KLRF2: variants seen among roughly 807,000 people sequenced by gnomAD.
The protein encoded by KLRF2 is killer cell lectin-like receptor subfamily F member 2.
Under a neutral mutation model 25.3 loss-of-function variants are expected in KLRF2, and 28 were observed. The observed-to-expected ratio is 1.11, with a 90% CI of 0.82 to 1.52. KLRF2 has a LOEUF of 1.52. KLRF2 is among the 40% of genes most tolerant of loss of function. The pLI is 0.00. For missense variants in KLRF2, 265 were observed against 245.8 expected, an observed-to-expected ratio of 1.08 and a Z score of -0.52; for synonymous variants, 73 against 85.0, an observed-to-expected ratio of 0.86 and a Z score of 0.78.
intron 2 of KLRF2, among the ~76,000 whole-genome samples, chr12:9,886,222 T>C (rs1363966569): frequency 6.6e-6 from 1 of 152,164 alleles, no homozygotes; most frequent in Non-Finnish European, 1.5e-5. Flanking sequence ...TATGTGTGTT[T>C]CTATAAAATT....
intron 2 of KLRF2, among the ~76,000 whole-genome samples, chr12:9,886,617 C>A (rs1019200398): frequency 6.2e-4 from 94 of 151,292 alleles, no homozygotes; most frequent in African/African-American, 2.3e-3. Context: ...ATGCTTATTA[C>A]CAATTAAATT....
intron 3 of KLRF2, 103 bp from the exon 4 acceptor site, chr12:9,892,916 AT>A: frequency 9.4e-7 from 1 of 1,064,352 alleles, no homozygotes; most frequent in South Asian, 1.8e-5. Context: ...AAAAAAAAAA[AT>A]GAGTTGGAAA....
At chr12:9,885,707 T>C (rs1862586625) in intron 2 of KLRF2, among the ~76,000 whole-genome samples, 1 of 152,000 alleles carries the variant, frequency 6.6e-6, no homozygotes, top group Non-Finnish European at 1.5e-5. Flanking sequence ...ATCAGACTTT[T>C]CTCAGACCAA....
chr12:9,884,858 T>C, intron 1 of KLRF2, 76 bp from the exon 2 acceptor site: 1 of 468,006 alleles, frequency 2.1e-6, no homozygotes, highest in Non-Finnish European at 3.7e-6. Flanking sequence ...ACATGAGTTG[T>C]CTCTGTAATA....
At chr12:9,885,086 C>A in intron 2 of KLRF2, 54 bp downstream of exon 2, 1 of 572,958 alleles carries the variant, frequency 1.7e-6, no homozygotes, top group Non-Finnish European at 2.6e-6. Context: ...AATGTTGATC[C>A]TTCATTCCTC....
intron 2 of KLRF2, among the ~76,000 whole-genome samples, chr12:9,886,716 T>C (rs1401639110): frequency 6.9e-6 from 1 of 145,826 alleles, no homozygotes. Flanking sequence ...TGGTGTCTTG[T>C]CAATCTGTCG....
chr12:9,894,591 G>C (rs568349137), intron 5 of KLRF2, among the ~76,000 whole-genome samples: 2 of 152,096 alleles, frequency 1.3e-5, no homozygotes, highest in Non-Finnish European at 2.9e-5. Context: ...AATTCTGAAG[G>C]GTCACGTTTA....
At chr12:9,886,697 C>G (rs549804747) in intron 2 of KLRF2, among the ~76,000 whole-genome samples, 1 of 135,886 alleles carries the variant, frequency 7.4e-6, no homozygotes, top group Non-Finnish European at 1.5e-5. Flanking sequence ...AAGCCATGCT[C>G]TTTTTGATTG....
chr12:9,892,795 G>T (rs1336347128), intron 3 of KLRF2, among the ~76,000 whole-genome samples: 1 of 151,366 alleles, frequency 6.6e-6, no homozygotes, highest in Admixed American at 6.6e-5. Context: ...TGTTGGTCAG[G>T]CTGGTCTTGA....
Position 9,895,799 on chromosome 12 carries a change from C to T in KLRF2, c.590C>T (p.Ala197Val), listed in dbSNP as rs187726382. The T allele has an allele frequency of 1.3e-4, 204 of 1,534,806 alleles. No individual in the cohort carries two copies. The East Asian group carries it at 3.4e-3, about 26-fold the overall frequency. Residue 197 changes from alanine to valine, a missense_variant, in exon 6 of 6, where the codon GCG becomes GTG. Ala to Val is a moderately conservative substitution (Grantham distance 64). Coordinates refer to ENST00000535540, the MANE Select transcript of KLRF2 (RefSeq NM_001190765.1). ...STFKGICQRD[A>V]ILTHNGTSGV ...TTTAAGGGCATTTGCCAGAGAGATG[C>T]GATCTTGACGCACAATGGAACCAGT...
chr12:9,889,462 G>C (rs1219557740), intron 3 of KLRF2, among the ~76,000 whole-genome samples: 2 of 152,080 alleles, frequency 1.3e-5, no homozygotes, highest in Admixed American at 6.6e-5. Context: ...GAAAGTCTTA[G>C]AAAAACTGCT....
At chr12:9,886,452 A>G (rs376602894) in intron 2 of KLRF2, among the ~76,000 whole-genome samples, 2 of 152,196 alleles carry the variant, frequency 1.3e-5, no homozygotes, top group African/African-American at 2.4e-5. Flanking sequence ...GGATAAATCA[A>G]TGGGGAGAAC....
In KLRF2 at chr12:9,884,933, G is replaced by T; in HGVS notation, c.71-1G>T. ...AAGAATTCTAAAATTCAACATTTCAGATTTCTCCCTATATCCACAATATTA... is the reference window on the plus strand; with the variant it reads ...AAGAATTCTAAAATTCAACATTTCATATTTCTCCCTATATCCACAATATTA... On this transcript the variant is annotated splice_acceptor_variant, in intron 1 of 5. Coordinates refer to ENST00000535540, the MANE Select transcript of KLRF2 (RefSeq NM_001190765.1). LOFTEE classifies it high-confidence loss of function. 9.1e-7 allele frequency: 1 copy of T among 1,102,748 alleles called. No homozygotes were observed. The highest frequency in any genetic ancestry group is 3.2e-5 in the Admixed American group (1 of 30,904). 68.3% of individuals were successfully genotyped at this position (1,102,748 alleles called of 1,614,324 possible).
At chr12:9,892,977 T>C in intron 3 of KLRF2, 43 bp from the exon 4 acceptor site, 1 of 1,439,282 alleles carries the variant, frequency 6.9e-7, no homozygotes, top group Non-Finnish European at 9.4e-7. Flanking sequence ...TCTTCCCTGT[T>C]GGCTGTAAAG....
At chr12:9,893,815 A>G (rs1002875013) in intron 5 of KLRF2, among the ~76,000 whole-genome samples, 2 of 152,126 alleles carry the variant, frequency 1.3e-5, no homozygotes, top group African/African-American at 4.8e-5. Context: ...AAAATTCATA[A>G]TAATTTTTAA....
chr12:9,893,472 T>C lies in KLRF2; in HGVS notation c.410T>C (p.Ile137Thr). Reference protein sequence around the residue: ...NSLKPGHFGWIGLYVTFQGNL... With the variant: ...NSLKPGHFGWTGLYVTFQGNL... ...TTAAAACCTGGACATTTTGGTTGGA[T>C]TGGACTATATGTTACATTCCAAGGG... is the stretch of plus-strand genomic sequence containing the variant. The change falls in exon 5 of 6, where the codon ATT becomes ACT. Residue 137 changes from isoleucine (I) to threonine (T), a missense_variant. Transcript: ENST00000535540. The C allele has an allele frequency of 5.3e-6, 8 of 1,520,892 alleles. No individual in the cohort carries two copies. Among genetic ancestry groups the C allele is most frequent in the South Asian group, 2.4e-5 (2 of 82,968 alleles). 94.2% of individuals were successfully genotyped at this position (1,520,892 alleles called of 1,614,324 possible). A position where few individuals can be genotyped will look rare whatever the true frequency, so the allele number is the denominator to read the frequency against.
At chr12:9,888,470 A>G (rs948414180) in intron 2 of KLRF2, among the ~76,000 whole-genome samples, 1 of 152,114 alleles carries the variant, frequency 6.6e-6, no homozygotes, top group Admixed American at 6.5e-5. Flanking sequence ...AGCCTGGGCA[A>G]CAGAGTGAGA....
intron 3 of KLRF2, among the ~76,000 whole-genome samples, chr12:9,892,707 C>T (rs992173475): frequency 6.6e-6 from 1 of 151,414 alleles, no homozygotes; most frequent in African/African-American, 2.4e-5. Flanking sequence ...GCCTCAGCCT[C>T]CCAAGTAGCT....
At chr12:9,883,663 A>G (rs1868118410) in intron 1 of KLRF2, among the ~76,000 whole-genome samples, 1 of 152,182 alleles carries the variant, frequency 6.6e-6, no homozygotes, top group Non-Finnish European at 1.5e-5. Context: ...GTCTTTCCAT[A>G]TTTGCTTGAA....
Sources: allele counts gnomAD v4.1 joint callset (sites outside exome capture counted in the v4.1 genomes callset), GRCh38; gene constraint gnomAD v4.1.1; transcripts MANE v1.5; gene names NCBI Gene and HGNC (gene_info 2026-07-23, HGNC 2026-07-21).